Variants in EXOC6 observed in about 807,000 individuals in gnomAD.
The protein encoded by EXOC6 is exocyst complex component 6.
EXOC6 carries 60 observed loss-of-function variants against 112.5 expected under a neutral mutation model. That is an observed-to-expected ratio of 0.53 (90% CI 0.43 to 0.66). EXOC6 has a LOEUF of 0.66. Among genes scored for constraint, EXOC6 ranks in the 30% least tolerant of loss-of-function variants. EXOC6 has a pLI of 0.00. For synonymous variants in EXOC6, 295 were observed against 308.0 expected (o/e 0.96, Z 0.44); for missense variants, 855 against 957.1 (o/e 0.89, Z 1.41).
At chr10:92,899,723 C>A in intron 5 of EXOC6, 79 bp downstream of exon 5, 1 of 1,029,370 alleles carries the variant, frequency 9.7e-7, no homozygotes, top group East Asian at 2.5e-5. Context: ...TACTATAAAT[C>A]ATAGTGAATC....
chr10:93,035,683 C>T (rs549263001), intron 20 of EXOC6, among the ~76,000 whole-genome samples: 4 of 152,190 alleles, frequency 2.6e-5, no homozygotes, highest in Non-Finnish European at 4.4e-5. Flanking sequence ...GGCAAAACCC[C>T]GTCTCTACTA....
intron 19 of EXOC6, among the ~76,000 whole-genome samples, chr10:93,000,981 T>A (rs1460738072): frequency 6.6e-6 from 1 of 152,250 alleles, no homozygotes; most frequent in Non-Finnish European, 1.5e-5. Context: ...TCATGTTAAG[T>A]ATTTCTGTTT....
intron 5 of EXOC6, among the ~76,000 whole-genome samples, chr10:92,905,172 A>G (rs927031858): frequency 6.6e-6 from 1 of 152,004 alleles, no homozygotes; most frequent in African/African-American, 2.4e-5. Flanking sequence ...CTTTAATATT[A>G]TAACTTTATA....
At chr10:92,858,560 T>A (rs2133665537) in intron 1 of EXOC6, among the ~76,000 whole-genome samples, 1 of 152,342 alleles carries the variant, frequency 6.6e-6, no homozygotes, top group Middle Eastern at 3.4e-3. Context: ...TTTTCATTTA[T>A]GTTACTGACT....
At chr10:92,972,394 A>G (rs1322734468) in intron 17 of EXOC6, among the ~76,000 whole-genome samples, 1 of 152,054 alleles carries the variant, frequency 6.6e-6, no homozygotes, top group African/African-American at 2.4e-5. Context: ...CACACTTGAG[A>G]GAGAGAGAGT....
exon 1 of EXOC6, chr10:92,834,737 C>T (rs749487735): frequency 5.0e-6 from 8 of 1,604,330 alleles, no homozygotes; most frequent in African/African-American, 2.7e-5. Flanking sequence ...GCCTGTCGAG[C>T]GATGTTGGAA....
chr10:92,888,185 C>A (rs1338743999), intron 1 of EXOC6, among the ~76,000 whole-genome samples: 1 of 152,058 alleles, frequency 6.6e-6, no homozygotes, highest in Non-Finnish European at 1.5e-5. Context: ...TAGTTTACCC[C>A]TCTCAGGCTT....
At chr10:93,013,162 A>C (rs1424803076) in intron 19 of EXOC6, among the ~76,000 whole-genome samples, 1 of 152,210 alleles carries the variant, frequency 6.6e-6, no homozygotes, top group Non-Finnish European at 1.5e-5. Context: ...TTTTTAAAAT[A>C]ACTAATATTG....
At chr10:92,863,049 C>G (rs1446735785) in intron 1 of EXOC6, among the ~76,000 whole-genome samples, 1 of 152,180 alleles carries the variant, frequency 6.6e-6, no homozygotes, top group Non-Finnish European at 1.5e-5. Flanking sequence ...AGGCAAGCAT[C>G]AGAGTATAAT....
At chr10:92,882,064 A>G (rs1050268507) in intron 1 of EXOC6, among the ~76,000 whole-genome samples, 7 of 152,312 alleles carry the variant, frequency 4.6e-5, no homozygotes, top group Middle Eastern at 3.4e-3. Flanking sequence ...AGAGAATGTT[A>G]TGGGAAGGTT....
chr10:93,043,630 A>G (rs1207681959), intron 20 of EXOC6, among the ~76,000 whole-genome samples: 1 of 152,184 alleles, frequency 6.6e-6, no homozygotes, highest in African/African-American at 2.4e-5. Flanking sequence ...ATAACAGCCT[A>G]TTTTGCTTAG....
At chr10:93,038,457 G>T (rs1845621419) in intron 20 of EXOC6, among the ~76,000 whole-genome samples, 1 of 152,150 alleles carries the variant, frequency 6.6e-6, no homozygotes, top group South Asian at 2.1e-4. Flanking sequence ...ATAAATTGAA[G>T]AAATTATCTT....
chr10:92,973,797 A>G (rs1842389291), intron 17 of EXOC6, among the ~76,000 whole-genome samples: 1 of 152,190 alleles, frequency 6.6e-6, no homozygotes, highest in African/African-American at 2.4e-5. Flanking sequence ...TCAGGAATTA[A>G]TATCTCATAA....
At chr10:92,933,977 G>A (rs1564842017) in intron 9 of EXOC6, among the ~76,000 whole-genome samples, 167 bp from the exon 10 acceptor site, 1 of 152,088 alleles carries the variant, frequency 6.6e-6, no homozygotes, top group African/African-American at 2.4e-5. Flanking sequence ...TTCCATGAGA[G>A]TAAGGACTTT....
chr10:92,922,221 C>T (rs1851483675), intron 8 of EXOC6, among the ~76,000 whole-genome samples: 1 of 152,180 alleles, frequency 6.6e-6, no homozygotes, highest in Admixed American at 6.5e-5. Flanking sequence ...GCTGGGATTA[C>T]AGGCATGAGC....
chr10:92,930,611 C>G (rs1851975010), intron 9 of EXOC6, among the ~76,000 whole-genome samples: 1 of 151,968 alleles, frequency 6.6e-6, no homozygotes, highest in African/African-American at 2.4e-5. Context: ...TGAATATTGA[C>G]TCACTTCTTT....
At chr10:93,047,917 G>T (rs1032861061) in intron 20 of EXOC6, among the ~76,000 whole-genome samples, 6 of 152,180 alleles carry the variant, frequency 3.9e-5, no homozygotes, top group African/African-American at 1.2e-4. Context: ...CTGCACTCCA[G>T]CCTGGTGGAC....
chr10:92,941,300 A>G (rs1852653857), intron 13 of EXOC6, among the ~76,000 whole-genome samples: 1 of 152,136 alleles, frequency 6.6e-6, no homozygotes, highest in Admixed American at 6.5e-5. Context: ...GTCTTTATAT[A>G]CCACATTTTG....
intron 18 of EXOC6, among the ~76,000 whole-genome samples, chr10:92,981,945 G>A (rs1446392622): frequency 3.3e-5 from 5 of 152,088 alleles, no homozygotes; most frequent in East Asian, 1.9e-4. Context: ...GTGAAACTCC[G>A]TCTGTACTAA....
Sources: allele counts gnomAD v4.1 joint callset (sites outside exome capture counted in the v4.1 genomes callset), GRCh38; gene constraint gnomAD v4.1.1; transcripts MANE v1.5; gene names NCBI Gene and HGNC (gene_info 2026-07-23, HGNC 2026-07-21).